The following DFFB variants were observed in gnomAD, a reference collection of about 807,000 sequenced individuals.
DFFB encodes DNA fragmentation factor subunit beta.
In DFFB, 29 loss-of-function variants were observed where a neutral mutation model predicts 32.7. The ratio of observed to expected loss-of-function variants is 0.89; its 90% CI spans 0.66 to 1.21. DFFB has a LOEUF of 1.21. DFFB is among the 50% of genes most tolerant of loss of function. The probability of loss-of-function intolerance (pLI) is 0.00; values close to 1 mark genes in which losing one functional copy is unlikely to be tolerated. For missense variants in DFFB, 398 were observed against 440.6 expected (o/e 0.90, Z 0.87); for synonymous variants, 170 against 177.1 (o/e 0.96, Z 0.32).
intron 6 of DFFB, chr1:3,873,013 G>T: frequency 1.6e-6 from 2 of 1,271,588 alleles, no homozygotes; most frequent in Admixed American, 2.4e-5. Flanking sequence ...TTTTCTTTTA[G>T]AGATGGAGTC....
At chr1:3,861,527 C>T (rs1353841376) in intron 2 of DFFB, among the ~76,000 whole-genome samples, 1 of 152,108 alleles carries the variant, frequency 6.6e-6, no homozygotes, top group Non-Finnish European at 1.5e-5. Context: ...TTCCTGGGCT[C>T]AAGCGATCCT....
chr1:3,864,159 G>A lies in DFFB; in HGVS notation c.242-1653G>A, dbSNP rs186704283. Among the ~76,000 whole-genome samples the A allele has an allele frequency of 3.9e-3, 588 of 152,080 alleles. 4 individuals are homozygous for A. The highest frequency in any genetic ancestry group is 4.3e-3 in the Non-Finnish European group (291 of 67,998). The stretch of plus-strand genomic sequence containing the variant: ...TTTTTGTATTTTTAGTAGAGACAGG[G>A]TTTCACCATGTTGGCCAGGATGGTC... On this transcript the variant is annotated intron_variant, in intron 2 of 6. Transcript: ENST00000378209.
intron 5 of DFFB, among the ~76,000 whole-genome samples, chr1:3,870,612 T>C (rs1021859120): frequency 3.3e-5 from 5 of 152,186 alleles, no homozygotes; most frequent in Admixed American, 6.5e-5. Flanking sequence ...TCATCCCTGA[T>C]GGCAGGGTGA....
intron 2 of DFFB, among the ~76,000 whole-genome samples, chr1:3,862,733 A>T (rs942566387): frequency 1.3e-5 from 2 of 152,240 alleles, no homozygotes; most frequent in African/African-American, 4.8e-5. Context: ...AAAAATATAA[A>T]GCCCTTAGAA....
chr1:3,861,234 A>G (rs369308928), intron 2 of DFFB, among the ~76,000 whole-genome samples: 11 of 151,816 alleles, frequency 7.2e-5, no homozygotes, highest in African/African-American at 2.7e-4. Flanking sequence ...TTCACTCCAC[A>G]TAAGGCTCCC....
At chr1:3,874,535 C>T (rs1451738723) in intron 6 of DFFB, among the ~76,000 whole-genome samples, 9 of 37,792 alleles carry the variant, frequency 2.4e-4, no homozygotes, top group Non-Finnish European at 4.4e-4. Flanking sequence ...CTTTACCACA[C>T]GCGTGTGGGT....
chr1:3,858,570 C>A, intron 1 of DFFB, 148 bp from the exon 2 acceptor site: 1 of 980,158 alleles, frequency 1.0e-6, no homozygotes, highest in Non-Finnish European at 1.5e-6. Context: ...TCATCCTTGC[C>A]TGGGCGTTGG....
In DFFB at chr1:3,866,287, G is replaced by A. The variant is rs369853350; in HGVS notation, c.430+287G>A. The A allele has an allele frequency of 1.4e-3, 674 of 487,424 alleles. 8 individuals carry two copies. Among genetic ancestry groups the A allele is most frequent in the South Asian group, 0.011 (658 of 61,594 alleles). The allele number at this position is 487,424 out of a possible 1,614,324, so 30.2% of individuals were successfully genotyped here. ...GGAGTCTTGCTCTGTCCCCCAGGCTGGAGTGCAGTGGCGTGATCTTGGCTC... is the reference window on the plus strand; with the variant it reads ...GGAGTCTTGCTCTGTCCCCCAGGCTAGAGTGCAGTGGCGTGATCTTGGCTC... On this transcript the variant is annotated intron_variant, in intron 3 of 6. Coordinates refer to ENST00000378209, the MANE Select transcript of DFFB (RefSeq NM_004402.4).
chr1:3,878,477 T>C (rs1289995525), intron 6 of DFFB, among the ~76,000 whole-genome samples: 1 of 152,172 alleles, frequency 6.6e-6, no homozygotes. Context: ...TGTTGACCGT[T>C]TTGTTGAGTG....
intron 6 of DFFB, among the ~76,000 whole-genome samples, chr1:3,877,283 A>T (rs1281409873): frequency 6.7e-6 from 1 of 150,218 alleles, no homozygotes; most frequent in Non-Finnish European, 1.5e-5. Flanking sequence ...ATCTATACTT[A>T]AGGTAGTTCC....
Position 3,865,500 on chromosome 1 carries a change from G to A in DFFB, c.242-312G>A. 1 of 517,828 alleles carries A rather than the reference G, an allele frequency of 1.9e-6. No homozygotes were observed. Among genetic ancestry groups the A allele is most frequent in the South Asian group, 2.1e-5 (1 of 48,114 alleles). 32.1% of individuals were successfully genotyped at this position (517,828 alleles called of 1,614,324 possible). On this transcript the variant is annotated intron_variant, in intron 2 of 6. Coordinates refer to ENST00000378209, the MANE Select transcript of DFFB (RefSeq NM_004402.4). The surrounding 1 kb of genome is among the most constrained non-coding windows in gnomAD (Gnocchi z 4.7). ...TCTGAAAGCAAGGTCTCCAGGAAGG[G>A]CCAAAGTGGGGGGCGTATGGTTTGG...
At chr1:3,866,174 A>T in intron 3 of DFFB, 174 bp downstream of exon 3, 1 of 700,694 alleles carries the variant, frequency 1.4e-6, no homozygotes, top group Non-Finnish European at 2.5e-6. Flanking sequence ...CTCGTGGGAA[A>T]GGTACCCAGC....
intron 5 of DFFB, 58 bp from the exon 6 acceptor site, chr1:3,872,414 G>GAA (rs370474480): frequency 2.9e-3 from 3,022 of 1,053,966 alleles, no homozygotes; most frequent in Non-Finnish European, 3.2e-3. Context: ...GCTGTCTCAA[G>GAA]AAAAAAAAAA....
chr1:3,869,217 G>A (rs1439178280), intron 4 of DFFB, among the ~76,000 whole-genome samples: 2 of 152,184 alleles, frequency 1.3e-5, no homozygotes, highest in Non-Finnish European at 2.9e-5. Flanking sequence ...GTACCACCAT[G>A]CCCAGCTAAT....
chr1:3,858,827 G>A lies in DFFB; in HGVS notation c.224G>A (p.Gly75Asp), dbSNP rs1201364333. The stretch of plus-strand genomic sequence containing the variant: ...GCCGAGCTGGTGCTGCTCACCTTGG[G>A]CCAGGCCTGGCAGGGCTGTGAGTGG... ...DNAELVLLTL[G>D]QAWQGYVSDI... Residue 75 changes from glycine (G) to aspartate (D), a missense_variant, in exon 2 of 7, where the codon GGC becomes GAC. Gly to Asp is a moderately conservative substitution (Grantham distance 94). Transcript: ENST00000378209. 1 of 1,613,766 alleles carries A rather than the reference G, an allele frequency of 6.2e-7. No homozygotes were observed. Among genetic ancestry groups the A allele is most frequent in the East Asian group, 2.2e-5 (1 of 44,874 alleles).
intron 4 of DFFB, among the ~76,000 whole-genome samples, chr1:3,868,669 A>ACCAGGCCACGCCACACCAGG (rs1553169091): frequency 3.9e-5 from 3 of 76,594 alleles, no homozygotes; most frequent in African/African-American, 8.0e-5. Flanking sequence ...GCCACACCAC[A>ACCAGGCCACGCCACACCAGG]CCACACCACG....
chr1:3,861,175 A>AT (rs1310272616), intron 2 of DFFB, among the ~76,000 whole-genome samples: 2 of 148,656 alleles, frequency 1.3e-5, no homozygotes, highest in Non-Finnish European at 3.0e-5. Context: ...AAAAAAGAAT[A>AT]TTAGGTAAGT....
intron 6 of DFFB, chr1:3,873,018 G>A: frequency 3.9e-6 from 5 of 1,267,778 alleles, no homozygotes; most frequent in Non-Finnish European, 5.1e-6. Context: ...TTTTAGAGAT[G>A]GAGTCTTGCT....
chr1:3,880,130 A>T (rs6678859), intron 6 of DFFB, among the ~76,000 whole-genome samples: 2 of 151,930 alleles, frequency 1.3e-5, no homozygotes, highest in Non-Finnish European at 1.5e-5. Flanking sequence ...AGAGGGTTTG[A>T]GGTGGAGGTT....
Sources: gnomAD v4.1 joint callset for allele counts (sites outside exome capture counted in the v4.1 genomes callset) on GRCh38, gnomAD v4.1.1 for gene constraint, Gnocchi (gnomAD v3.1) non-coding constraint, MANE v1.5 for transcripts, NCBI Gene and HGNC (gene_info 2026-07-23, HGNC 2026-07-21) for gene names.